TANC2: variants seen among roughly 807,000 people sequenced by gnomAD.
TANC2 encodes tetratricopeptide repeat, ankyrin repeat and coiled-coil containing 2.
TANC2 carries 26 observed loss-of-function variants against 210.5 expected under a neutral mutation model. That is an observed-to-expected ratio of 0.12 (90% CI 0.09 to 0.17). The LOEUF (loss-of-function observed/expected upper bound fraction) is 0.17. Ranked by LOEUF, TANC2 falls within the 10% of genes least tolerant of loss-of-function variation. TANC2 has a pLI of 1.00. For synonymous variants in TANC2, 931 were observed against 967.1 expected, an observed-to-expected ratio of 0.96 and a Z score of 0.69; for missense variants, 2,129 against 2,608.9, an observed-to-expected ratio of 0.82 and a Z score of 4.01.
At chr17:63,382,756 C>T (rs1359442669) in intron 15 of TANC2, among the ~76,000 whole-genome samples, 1 of 152,228 alleles carries the variant, frequency 6.6e-6, no homozygotes, top group Non-Finnish European at 1.5e-5. Context: ...ACACCCCTAA[C>T]ATGTTCTTCT....
At chr17:63,345,511 C>G (rs1009836639) in intron 12 of TANC2, among the ~76,000 whole-genome samples, 1 of 149,860 alleles carries the variant, frequency 6.7e-6, no homozygotes, top group African/African-American at 2.5e-5. Flanking sequence ...CCCAGCTACT[C>G]GGGAGGCTGA....
intron 1 of TANC2, among the ~76,000 whole-genome samples, chr17:62,991,532 C>T (rs1568300546): frequency 2.6e-5 from 4 of 151,254 alleles, no homozygotes; most frequent in Middle Eastern, 3.4e-3. Flanking sequence ...CCCAACTTCT[C>T]GGGAGGCTGA....
chr17:63,363,676 A>G (rs1008490117), intron 14 of TANC2, among the ~76,000 whole-genome samples: 4 of 152,202 alleles, frequency 2.6e-5, no homozygotes, highest in African/African-American at 9.6e-5. Context: ...CTGTAGATGT[A>G]TGAATTTATT....
In TANC2 at chr17:63,340,090, T is replaced by C. The variant is rs1360823830; in HGVS notation, c.1576-11T>C. The C allele has an allele frequency of 2.5e-6, 4 of 1,608,060 alleles. No homozygotes were observed. The Admixed American group carries it at 6.7e-5, about 27-fold the overall frequency. ...GATAAGCCTGTTTGCATTCTCATCT[T>C]TCTTTTGCAGGTGGTTGCCTATCAC... is the stretch of plus-strand genomic sequence containing the variant. On this transcript the variant is annotated splice_polypyrimidine_tract_variant and intron_variant, in intron 11 of 27. Transcript: ENST00000689528.
At chr17:63,103,576 A>G (rs1046746010) in intron 4 of TANC2, among the ~76,000 whole-genome samples, 4 of 152,186 alleles carry the variant, frequency 2.6e-5, no homozygotes, top group Non-Finnish European at 5.9e-5. Flanking sequence ...AATGGGGATA[A>G]CAATAATACA....
chr17:63,151,033 GT>G (rs547384739), intron 4 of TANC2: 52,024 of 140,682 alleles, frequency 0.37, 11,465 homozygotes, highest in African/African-American at 0.65. Context: ...AATGCAGTTA[GT>G]TTTTTTTTTT....
chr17:63,338,286 A>T (rs777479983), intron 11 of TANC2, among the ~76,000 whole-genome samples: 1 of 152,194 alleles, frequency 6.6e-6, no homozygotes, highest in Non-Finnish European at 1.5e-5. Flanking sequence ...AGAAGGTGCA[A>T]CTTCAGCATT....
chr17:63,168,753 T>TA, intron 5 of TANC2, among the ~76,000 whole-genome samples: 1 of 152,320 alleles, frequency 6.6e-6, no homozygotes, highest in African/African-American at 2.4e-5. Flanking sequence ...TGGGATTCCT[T>TA]ACTTTTTTTT....
chr17:63,274,034 G>GT (rs1267143829), intron 9 of TANC2, among the ~76,000 whole-genome samples: 1 of 152,130 alleles, frequency 6.6e-6, no homozygotes, highest in African/African-American at 2.4e-5. Flanking sequence ...TTGAGAGCTG[G>GT]TTACATGTTA....
chr17:63,170,175 C>T (rs796224731), intron 5 of TANC2, among the ~76,000 whole-genome samples: 4 of 151,590 alleles, frequency 2.6e-5, no homozygotes, highest in African/African-American at 9.7e-5. Context: ...CACCTGTAAT[C>T]CCAGCACTTT....
At chr17:63,337,042 G>T (rs2429432) in intron 11 of TANC2, among the ~76,000 whole-genome samples, 1 of 151,998 alleles carries the variant, frequency 6.6e-6, no homozygotes. Context: ...AAAGTTATAC[G>T]TAATATTAAT....
intron 1 of TANC2, among the ~76,000 whole-genome samples, chr17:62,992,851 G>A (rs1013440715): frequency 2.6e-5 from 4 of 152,326 alleles, no homozygotes; most frequent in African/African-American, 9.6e-5. Flanking sequence ...CAACACAAAT[G>A]TACTATTTTA....
chr17:63,379,884 T>C (rs974719803), intron 15 of TANC2, 58 bp downstream of exon 15: 10 of 1,409,700 alleles, frequency 7.1e-6, no homozygotes, highest in Non-Finnish European at 9.9e-6. Context: ...TCATATGCTT[T>C]ATGTAAGAGA....
intron 8 of TANC2, among the ~76,000 whole-genome samples, chr17:63,263,561 A>AT (rs1407223136): frequency 6.6e-6 from 1 of 152,126 alleles, no homozygotes; most frequent in African/African-American, 2.4e-5. Flanking sequence ...TGAGTTGTTT[A>AT]TTTTTTGTTG....
At chr17:63,280,654 A>G (rs2044032025) in intron 9 of TANC2, among the ~76,000 whole-genome samples, 2 of 152,112 alleles carry the variant, frequency 1.3e-5, no homozygotes, top group Admixed American at 1.3e-4. Context: ...TGACTTGTTT[A>G]AATACATCTG....
intron 8 of TANC2, among the ~76,000 whole-genome samples, chr17:63,251,165 G>C (rs933176909): frequency 6.6e-6 from 1 of 152,132 alleles, no homozygotes; most frequent in South Asian, 2.1e-4. Flanking sequence ...AAGGAAGGCA[G>C]ACATGTAAAC....
chr17:63,245,797 C>G (rs557487826), intron 8 of TANC2, among the ~76,000 whole-genome samples: 32 of 148,598 alleles, frequency 2.2e-4, no homozygotes, highest in African/African-American at 8.0e-4. Context: ...GAGCTGAGAT[C>G]GTGCCACTGC....
intron 7 of TANC2, among the ~76,000 whole-genome samples, chr17:63,226,909 A>G (rs1006733429): frequency 2.0e-5 from 3 of 152,164 alleles, no homozygotes; most frequent in African/African-American, 7.2e-5. Context: ...AGCTGCATCC[A>G]TGTCCCTACA....
intron 4 of TANC2, chr17:63,148,139 A>G (rs2145373906): frequency 6.6e-6 from 1 of 152,350 alleles, no homozygotes; most frequent in East Asian, 1.9e-4. Flanking sequence ...ATAGGACTCT[A>G]ATGTAAGCAT....
Sources: gnomAD v4.1 joint callset for allele counts (sites outside exome capture counted in the v4.1 genomes callset) on GRCh38, gnomAD v4.1.1 for gene constraint, MANE v1.5 for transcripts, NCBI Gene and HGNC (gene_info 2026-07-23, HGNC 2026-07-21) for gene names.